SLC7A14: variants seen among roughly 807,000 people sequenced by gnomAD.
SLC7A14 encodes gamma-aminobutyric acid transporter SLC7A14.
A neutral mutation model predicts 60.2 loss-of-function variants in SLC7A14; 37 were observed. That is an observed-to-expected ratio of 0.61 (90% confidence interval 0.47 to 0.81). The LOEUF (loss-of-function observed/expected upper bound fraction) is 0.81. SLC7A14 is among the 30% of genes least tolerant of loss of function. The probability of loss-of-function intolerance (pLI) is 0.00; values close to 1 mark genes in which losing one functional copy is unlikely to be tolerated. For missense variants in SLC7A14, 886 were observed against 982.7 expected, an observed-to-expected ratio of 0.90 and a Z score of 1.32; for synonymous variants, 399 against 395.8, an observed-to-expected ratio of 1.01 and a Z score of -0.10.
chr3:170,492,253 T>A (rs1712243564), intron 4 of SLC7A14, among the ~76,000 whole-genome samples: 1 of 152,218 alleles, frequency 6.6e-6, no homozygotes, highest in African/African-American at 2.4e-5. Flanking sequence ...TATGTGTATG[T>A]GTGTTCGTGT....
At chr3:170,469,068 A>T (rs954414824) in intron 7 of SLC7A14, among the ~76,000 whole-genome samples, 1 of 152,198 alleles carries the variant, frequency 6.6e-6, no homozygotes, top group Non-Finnish European at 1.5e-5. Context: ...CTGCCCACTC[A>T]GCCCACACTA....
intron 1 of SLC7A14, among the ~76,000 whole-genome samples, chr3:170,580,890 T>C (rs1477621653): frequency 6.6e-6 from 1 of 152,200 alleles, no homozygotes; most frequent in African/African-American, 2.4e-5. Flanking sequence ...CTTTGTGTTA[T>C]AAGAGAAAAA....
chr3:170,580,331 A>G (rs546083535), intron 1 of SLC7A14, among the ~76,000 whole-genome samples: 11 of 152,232 alleles, frequency 7.2e-5, no homozygotes, highest in Non-Finnish European at 1.3e-4. Context: ...GAAATCCTTT[A>G]AGCTACAGAC....
At chr3:170,538,186 T>C (rs1322040869) in intron 1 of SLC7A14, among the ~76,000 whole-genome samples, 2 of 152,334 alleles carry the variant, frequency 1.3e-5, no homozygotes, top group East Asian at 3.9e-4. Flanking sequence ...ATATGCTAAA[T>C]AGAGTTGTCC....
intron 4 of SLC7A14, among the ~76,000 whole-genome samples, chr3:170,498,428 A>G (rs1712479111): frequency 6.6e-6 from 1 of 152,240 alleles, no homozygotes; most frequent in Non-Finnish European, 1.5e-5. Context: ...CAAAACATTG[A>G]ATCTATTATT....
chr3:170,523,870 A>G (rs1179366815), intron 2 of SLC7A14, among the ~76,000 whole-genome samples: 1 of 152,204 alleles, frequency 6.6e-6, no homozygotes, highest in Admixed American at 6.5e-5. Flanking sequence ...TTAGTGACCA[A>G]CAATCATAAG....
intron 4 of SLC7A14, 62 bp downstream of exon 4, chr3:170,498,605 T>C (rs1453849517): frequency 2.8e-5 from 42 of 1,478,180 alleles, no homozygotes; most frequent in Non-Finnish European, 3.7e-5. Context: ...ATGTCTTAGG[T>C]TGGTCACAGG....
chr3:170,510,075 CAAA>C lies in SLC7A14; in HGVS notation c.305-8733_305-8731del, dbSNP rs34579714. ...CCTGGACAAGAGCAAAACTCTGTCT[CAAA>C]AAAAAAAAAAAAAAAAAATGTAACC... On this transcript the variant is annotated intron_variant, in intron 2 of 7. Transcript: ENST00000231706. Among the ~76,000 whole-genome samples, 224 of 78,550 alleles carry C rather than the reference CAAA, an allele frequency of 2.9e-3. 1 individual carries two copies. The highest frequency in any genetic ancestry group is 8.2e-3 in the African/African-American group (178 of 21,748). 51.5% of individuals were successfully genotyped at this position (78,550 alleles called of 152,430 possible). A position where few individuals can be genotyped will look rare whatever the true frequency, so the allele number is the denominator to read the frequency against.
chr3:170,573,998 A>T (rs1715018555), intron 1 of SLC7A14, among the ~76,000 whole-genome samples: 1 of 152,210 alleles, frequency 6.6e-6, no homozygotes, highest in Non-Finnish European at 1.5e-5. Flanking sequence ...CCTGGGGAGC[A>T]TGGCTAGATT....
Position 170,462,563 on chromosome 3 carries a change from A to G in SLC7A14, c.*4492T>C, listed in dbSNP as rs921855927. ...ATCATGACCATTATGTAGGCATTTGATTAGCTACTAGTTTGTTACTAAGAA... is the reference window on the plus strand; with the variant it reads ...ATCATGACCATTATGTAGGCATTTGGTTAGCTACTAGTTTGTTACTAAGAA... On this transcript the variant is annotated 3_prime_UTR_variant, in exon 8 of 8. Transcript: ENST00000231706. 6.6e-6 allele frequency: 1 copy of G among 152,182 alleles called. No homozygotes were observed. The highest frequency in any genetic ancestry group is 1.5e-5 in the Non-Finnish European group (1 of 68,038). The allele number at this position is 152,182 out of a possible 1,614,324, so 9.4% of individuals were successfully genotyped here. A position where few individuals can be genotyped will look rare whatever the true frequency, so the allele number is the denominator to read the frequency against.
chr3:170,565,311 G>C (rs919777284), intron 1 of SLC7A14, among the ~76,000 whole-genome samples: 7 of 152,154 alleles, frequency 4.6e-5, no homozygotes, highest in Non-Finnish European at 1.0e-4. Flanking sequence ...TAGAAAATAA[G>C]TGACTAGTCA....
chr3:170,576,260 A>G (rs1365588632), intron 1 of SLC7A14, among the ~76,000 whole-genome samples: 1 of 152,214 alleles, frequency 6.6e-6, no homozygotes, highest in Non-Finnish European at 1.5e-5. Context: ...GGCAGGGATT[A>G]TGTCTCATAT....
chr3:170,533,829 C>G (rs1713756727), intron 1 of SLC7A14, among the ~76,000 whole-genome samples: 1 of 152,154 alleles, frequency 6.6e-6, no homozygotes, highest in Admixed American at 6.5e-5. Context: ...TCAGTTGTAT[C>G]TTTGCTGAGT....
At chr3:170,485,790 G>A (rs912211584) in intron 5 of SLC7A14, among the ~76,000 whole-genome samples, 11 of 152,262 alleles carry the variant, frequency 7.2e-5, no homozygotes, top group African/African-American at 2.2e-4. Flanking sequence ...CTCTCTCCCC[G>A]CTGTGCAGGG....
rs551283203 is a variant in SLC7A14 at position 170,501,410 on chromosome 3, A to C, written c.305-65T>G. 5.2e-6 allele frequency: 7 copies of C among 1,351,554 alleles called. No homozygotes were observed. In the South Asian group the frequency reaches 7.1e-5, roughly 14 times the overall value. 83.7% of individuals were successfully genotyped at this position (1,351,554 alleles called of 1,614,324 possible). ...GATGAGCTGACATCCTGTGGCCAAC[A>C]ATCTTGGGTGGAACATACTGAGACT... On this transcript the variant is annotated intron_variant, in intron 2 of 7. Coordinates refer to ENST00000231706, the MANE Select transcript of SLC7A14 (RefSeq NM_020949.3).
chr3:170,572,081 AG>A (rs1224996497), intron 1 of SLC7A14, among the ~76,000 whole-genome samples: 7 of 149,712 alleles, frequency 4.7e-5, no homozygotes, highest in Non-Finnish European at 4.4e-5. Context: ...AAAAAAAAAA[AG>A]AAAGAAAGAA....
rs910092190 is a variant in SLC7A14 at position 170,464,840 on chromosome 3, C to T, written c.*2215G>A. On this transcript the variant is annotated 3_prime_UTR_variant, in exon 8 of 8. Transcript: ENST00000231706. ...CTCTTTCACCCACGTTAAGATTTTG[C>T]CATTTTGCACTCCTATTTCTCTATT... 6.6e-6 allele frequency: 1 copy of T among 152,160 alleles called. No homozygotes were observed. The highest frequency in any genetic ancestry group is 6.5e-5 in the Admixed American group (1 of 15,278). The allele number at this position is 152,160 out of a possible 1,614,324, so 9.4% of individuals were successfully genotyped here.
chr3:170,538,722 A>G (rs1333693637), intron 1 of SLC7A14, among the ~76,000 whole-genome samples: 2 of 152,226 alleles, frequency 1.3e-5, no homozygotes, highest in Admixed American at 1.3e-4. Flanking sequence ...AAGAAGAAAA[A>G]GATAGCCCCT....
At chr3:170,498,956 C>A in intron 3 of SLC7A14, 72 bp from the exon 4 acceptor site, 1 of 1,436,426 alleles carries the variant, frequency 7.0e-7, no homozygotes, top group Non-Finnish European at 9.7e-7. Context: ...GGTCCTACCC[C>A]ACTGCATCCG....
Sources: allele counts gnomAD v4.1 joint callset (sites outside exome capture counted in the v4.1 genomes callset), GRCh38; gene constraint gnomAD v4.1.1; transcripts MANE v1.5; gene names NCBI Gene and HGNC (gene_info 2026-07-23, HGNC 2026-07-21).